KIF13B: variants seen among roughly 807,000 people sequenced by gnomAD.
KIF13B encodes kinesin-like protein KIF13B.
In KIF13B, 127 loss-of-function variants were observed where a neutral mutation model predicts 222.0. The ratio of observed to expected loss-of-function variants is 0.57; its 90% confidence interval spans 0.50 to 0.66. The LOEUF (loss-of-function observed/expected upper bound fraction) is 0.66. KIF13B is among the 30% of genes least tolerant of loss of function. KIF13B has a pLI of 0.00. For missense variants in KIF13B, 2,173 were observed against 2,379.0 expected (o/e 0.91, Z 1.80); for synonymous variants, 976 against 919.0 (o/e 1.06, Z -1.12).
At chr8:29,183,295 G>A (rs1159706986) in intron 6 of KIF13B, among the ~76,000 whole-genome samples, 2 of 151,268 alleles carry the variant, frequency 1.3e-5, no homozygotes, top group African/African-American at 4.9e-5. Flanking sequence ...GGGATTACAG[G>A]TGTGCATCAC....
In KIF13B at chr8:29,254,020, G is replaced by C. The variant is rs73563511; in HGVS notation, c.56-8581C>G. Among the ~76,000 whole-genome samples the C allele has an allele frequency of 3.2e-3, 487 of 152,232 alleles. 2 individuals carry two copies. The highest frequency in any genetic ancestry group is 0.011 in the African/African-American group (462 of 41,530). On this transcript the variant is annotated intron_variant, in intron 1 of 39. Coordinates refer to ENST00000524189, the MANE Select transcript of KIF13B (RefSeq NM_015254.4). ...ATATACATTGATGGAATGGAATTGGGAGTCCAGAAACATACTGTCACAGTT... is the reference window on the plus strand; with the variant it reads ...ATATACATTGATGGAATGGAATTGGCAGTCCAGAAACATACTGTCACAGTT...
intron 13 of KIF13B, among the ~76,000 whole-genome samples, chr8:29,156,166 T>C (rs1016946002): frequency 2.6e-5 from 4 of 152,172 alleles, no homozygotes; most frequent in African/African-American, 9.7e-5. Flanking sequence ...AGACAGGGTT[T>C]CACCATGTTG....
chr8:29,075,927 T>C (rs6993645), intron 37 of KIF13B, among the ~76,000 whole-genome samples: 27,808 of 152,044 alleles, frequency 0.18, 3,314 homozygotes, highest in African/African-American at 0.34. Flanking sequence ...ACTGTCCGGG[T>C]GGGGACACAA....
At chr8:29,241,099 A>T (rs1330237155) in intron 2 of KIF13B, among the ~76,000 whole-genome samples, 1 of 152,230 alleles carries the variant, frequency 6.6e-6, no homozygotes. Flanking sequence ...GATACAACAG[A>T]CTATTATTTC....
At chr8:29,102,438 A>G (rs6651396) in intron 35 of KIF13B, among the ~76,000 whole-genome samples, 156 of 152,356 alleles carry the variant, frequency 1.0e-3, no homozygotes, top group African/African-American at 3.7e-3. Context: ...CCTCACCGGC[A>G]GACTCAAAGA....
chr8:29,101,383 A>G (rs931647349), intron 35 of KIF13B, among the ~76,000 whole-genome samples: 2 of 152,140 alleles, frequency 1.3e-5, no homozygotes, highest in Admixed American at 6.5e-5. Flanking sequence ...GGTAGCTGAT[A>G]TGGCTGCGGT....
chr8:29,074,125 ACT>A (rs747726876), intron 38 of KIF13B, among the ~76,000 whole-genome samples: 2 of 152,128 alleles, frequency 1.3e-5, no homozygotes, highest in Non-Finnish European at 2.9e-5. Flanking sequence ...AAGGCCAGCC[ACT>A]GTCACTTCCC....
intron 8 of KIF13B, among the ~76,000 whole-genome samples, chr8:29,177,781 G>A (rs1812544483): frequency 1.3e-5 from 2 of 152,146 alleles, no homozygotes. Flanking sequence ...ATGGTGGCGT[G>A]TGCCTGTAGT....
At chr8:29,258,242 T>A (rs1483905553) in intron 1 of KIF13B, among the ~76,000 whole-genome samples, 1 of 152,132 alleles carries the variant, frequency 6.6e-6, no homozygotes, top group Non-Finnish European at 1.5e-5. Context: ...ACTTGCTGGG[T>A]TTTTCCTTTG....
At chr8:29,182,575 T>A (rs1039705030) in intron 6 of KIF13B, among the ~76,000 whole-genome samples, 7 of 151,026 alleles carry the variant, frequency 4.6e-5, no homozygotes, top group African/African-American at 1.5e-4. Flanking sequence ...AAAATTAAAA[T>A]TAAATATTCA....
chr8:29,091,083 C>T (rs771311021), intron 37 of KIF13B, among the ~76,000 whole-genome samples: 6 of 152,150 alleles, frequency 3.9e-5, no homozygotes, highest in East Asian at 3.9e-4. Flanking sequence ...AACCTTTGCT[C>T]ATATGTGCTC....
chr8:29,160,572 GCATCAAAGACTAAAAAAGAAAACTGA>G lies in KIF13B; in HGVS notation c.1404+135_1404+160del, dbSNP rs1169225433. Among the ~76,000 whole-genome samples, 382 of 152,214 alleles carry G rather than the reference GCATCAAAGACTAAAAAAGAAAACTGA, an allele frequency of 2.5e-3. 5 individuals are homozygous for G. Among genetic ancestry groups the G allele is most frequent in the African/African-American group, 8.8e-3 (364 of 41,534 alleles). On this transcript the variant is annotated intron_variant, in intron 13 of 39. Coordinates refer to ENST00000524189, the MANE Select transcript of KIF13B (RefSeq NM_015254.4). ...TTTTTTTATATTGTCAGGTTGAATG[GCATCAAAGACTAAAAAAGAAAACTGA>G]GTCCAGAAACCCAAGATGGTTCTAT...
At chr8:29,192,081 C>A (rs1337530049) in intron 3 of KIF13B, among the ~76,000 whole-genome samples, 2 of 152,134 alleles carry the variant, frequency 1.3e-5, no homozygotes, top group Non-Finnish European at 2.9e-5. Context: ...CTTTCCATGA[C>A]TAGTTTATGC....
chr8:29,108,374 T>C (rs1809195378), intron 34 of KIF13B, among the ~76,000 whole-genome samples, 182 bp from the exon 35 acceptor site: 1 of 152,246 alleles, frequency 6.6e-6, no homozygotes, highest in South Asian at 2.1e-4. Context: ...GAATTGGTTA[T>C]GAACAATTTT....
At chr8:29,233,043 C>T (rs772958494) in intron 2 of KIF13B, among the ~76,000 whole-genome samples, 5 of 152,174 alleles carry the variant, frequency 3.3e-5, no homozygotes, top group Non-Finnish European at 5.9e-5. Context: ...TTGATCCCTG[C>T]TACTCAGGAG....
At position 29,072,211 on chromosome 8, in the gene KIF13B, C is replaced by T. The variant is rs1807327978; in HGVS notation, c.4627G>A (p.Ala1543Thr). 1 of 1,466,670 alleles carries T rather than the reference C, an allele frequency of 6.8e-7. No individual in the cohort carries two copies. 90.9% of individuals were successfully genotyped at this position (1,466,670 alleles called of 1,614,324 possible). Reference protein sequence around the residue: ...AKVPSPPPVIAVTAVTPAPEA... With the variant: ...AKVPSPPPVITVTAVTPAPEA... ...GGAGCCGGGGTGACCGCTGTGACAG[C>T]TATGACAGGCGGTGGGGAAGGCACT... The change falls in exon 39 of 40, where the codon GCT (alanine) becomes ACT (threonine). Residue 1543 changes from alanine to threonine, a missense_variant. Coordinates refer to ENST00000524189, the MANE Select transcript of KIF13B (RefSeq NM_015254.4).
rs1385099706 is a variant in KIF13B at position 29,155,015 on chromosome 8, CTG to C, written c.1535+709_1535+710del. On this transcript the variant is annotated intron_variant, in intron 14 of 39. Transcript: ENST00000524189. ...GTTACAGACTGTTATACTTCCAACT[CTG>C]TAACAGGGGATAACAGCTCTATAGC... 7.2e-5 allele frequency among the ~76,000 whole-genome samples: 11 copies of C among 152,308 alleles called. No homozygotes were observed. In the East Asian group the frequency reaches 2.1e-3, roughly 29 times the overall value.
chr8:29,176,218 A>T (rs563339405), intron 9 of KIF13B, 39 bp from the exon 10 acceptor site: 1 of 1,175,306 alleles, frequency 8.5e-7, no homozygotes, highest in East Asian at 2.4e-5. Flanking sequence ...ACAAAAATGA[A>T]ATATATCAAA....
chr8:29,221,034 C>A (rs1003106317), intron 2 of KIF13B, among the ~76,000 whole-genome samples: 1 of 150,542 alleles, frequency 6.6e-6, no homozygotes, highest in African/African-American at 2.5e-5. Flanking sequence ...GTCACCTACT[C>A]AAGAGGCTGC....
Sources: gnomAD v4.1 joint callset for allele counts (sites outside exome capture counted in the v4.1 genomes callset) on GRCh38, gnomAD v4.1.1 for gene constraint, MANE v1.5 for transcripts, NCBI Gene and HGNC (gene_info 2026-07-23, HGNC 2026-07-21) for gene names.